TYW1B: variants seen among roughly 807,000 people sequenced by gnomAD.
The protein encoded by TYW1B is S-adenosyl-L-methionine-dependent tRNA 4-demethylwyosine synthase TYW1B.
TYW1B carries 73 observed loss-of-function variants against 86.9 expected under a neutral mutation model. That is an observed-to-expected ratio of 0.84 (90% CI 0.70 to 1.02). TYW1B has a LOEUF of 1.02. Among genes scored for constraint, TYW1B ranks in the 50% least tolerant of loss-of-function variants. The pLI, the probability that TYW1B is intolerant of heterozygous loss-of-function variation, is 0.00. For synonymous variants in TYW1B, 248 were observed against 292.8 expected (o/e 0.85, Z 1.56); for missense variants, 637 against 827.4 (o/e 0.77, Z 2.82).
chr7:72,820,632 G>A (rs1788810844), intron 2 of TYW1B, among the ~76,000 whole-genome samples: 1 of 151,990 alleles, frequency 6.6e-6, no homozygotes, highest in Non-Finnish European at 1.5e-5. Flanking sequence ...TGCAGGAGAG[G>A]TTCCAGGCTC....
chr7:72,703,244 T>G (rs1312985100), intron 10 of TYW1B, among the ~76,000 whole-genome samples: 15 of 151,282 alleles, frequency 9.9e-5, no homozygotes, highest in African/African-American at 3.4e-4. Flanking sequence ...CAGGATAGTC[T>G]CGATCTCCTG....
intron 11 of TYW1B, among the ~76,000 whole-genome samples, chr7:72,636,687 TTTC>T (rs529630187): frequency 0.012 from 1,840 of 152,294 alleles, 37 homozygotes; most frequent in African/African-American, 0.042. Context: ...TCCTACCAGC[TTTC>T]TTTTTTATTA....
intron 6 of TYW1B, among the ~76,000 whole-genome samples, chr7:72,790,310 T>A (rs1388453739): frequency 1.3e-5 from 2 of 152,018 alleles, no homozygotes; most frequent in Non-Finnish European, 2.9e-5. Flanking sequence ...GCTAATTAGG[T>A]GTCTCATGGC....
intron 6 of TYW1B, among the ~76,000 whole-genome samples, chr7:72,792,186 G>T (rs1203060519): frequency 6.6e-6 from 1 of 151,972 alleles, no homozygotes; most frequent in Non-Finnish European, 1.5e-5. Flanking sequence ...AACTAGTTGC[G>T]CATGGTGGCA....
At chr7:72,583,678 CA>C (rs1383205148) in intron 13 of TYW1B, among the ~76,000 whole-genome samples, 9 of 152,164 alleles carry the variant, frequency 5.9e-5, no homozygotes, top group African/African-American at 1.4e-4. Flanking sequence ...CAACCTCAGC[CA>C]AAAAATGTAG....
At chr7:72,668,585 T>C (rs1205571952) in intron 11 of TYW1B, among the ~76,000 whole-genome samples, 1 of 152,174 alleles carries the variant, frequency 6.6e-6, no homozygotes, top group Non-Finnish European at 1.5e-5. Flanking sequence ...TCTTGGACTC[T>C]GGTGGAACTG....
At chr7:72,588,517 CT>C (rs1811327506) in intron 13 of TYW1B, among the ~76,000 whole-genome samples, 1 of 152,182 alleles carries the variant, frequency 6.6e-6, no homozygotes, top group Non-Finnish European at 1.5e-5. Flanking sequence ...GATAGCTCTT[CT>C]TCCCCTCCCT....
chr7:72,697,582 A>G (rs747939418), intron 10 of TYW1B, among the ~76,000 whole-genome samples: 38 of 152,196 alleles, frequency 2.5e-4, no homozygotes, highest in Non-Finnish European at 4.6e-4. Context: ...AGAGTCACTT[A>G]TCTGTCTCTA....
chr7:72,796,467 C>T (rs1554474482), intron 6 of TYW1B, among the ~76,000 whole-genome samples: 1 of 143,166 alleles, frequency 7.0e-6, no homozygotes, highest in East Asian at 2.0e-4. Context: ...AACTCCTGAC[C>T]TCAGGTGATC....
chr7:72,659,077 A>G (rs1322452204), intron 11 of TYW1B, among the ~76,000 whole-genome samples: 1 of 152,218 alleles, frequency 6.6e-6, no homozygotes, highest in Non-Finnish European at 1.5e-5. Context: ...ATCATTAGGA[A>G]GAAAGCCCAA....
At chr7:72,667,319 C>T (rs1297076224) in intron 11 of TYW1B, among the ~76,000 whole-genome samples, 1 of 152,048 alleles carries the variant, frequency 6.6e-6, no homozygotes, top group South Asian at 2.1e-4. Context: ...GTTTAAAATG[C>T]TGTATTAGTT....
At chr7:72,763,277 CTTTTCTTTTTTTT>C (rs1787717126) in intron 7 of TYW1B, among the ~76,000 whole-genome samples, 1 of 111,638 alleles carries the variant, frequency 9.0e-6, no homozygotes, top group South Asian at 2.9e-4. Flanking sequence ...TTTTTCTTTT[CTTTTCTTTTTTTT>C]TTTTTTTTTG....
chr7:72,819,973 C>A (rs1382309935), intron 2 of TYW1B, among the ~76,000 whole-genome samples: 1 of 151,952 alleles, frequency 6.6e-6, no homozygotes, highest in Non-Finnish European at 1.5e-5. Flanking sequence ...ATTGAGCATT[C>A]TTAAAGAAAA....
intron 7 of TYW1B, among the ~76,000 whole-genome samples, chr7:72,759,228 G>A (rs889053688): frequency 3.3e-5 from 5 of 152,074 alleles, no homozygotes; most frequent in Non-Finnish European, 5.9e-5. Context: ...CCAACTACTC[G>A]GGAGGCTCAG....
intron 7 of TYW1B, among the ~76,000 whole-genome samples, chr7:72,770,096 T>C (rs1401442638): frequency 2.2e-5 from 3 of 137,596 alleles, no homozygotes; most frequent in African/African-American, 5.4e-5. Flanking sequence ...ACAAAAAAAA[T>C]GTTCCCAATC....
At chr7:72,610,419 C>T (rs1811905019) in intron 13 of TYW1B, among the ~76,000 whole-genome samples, 1 of 151,998 alleles carries the variant, frequency 6.6e-6, no homozygotes, top group South Asian at 2.1e-4. Flanking sequence ...CCATGGACGA[C>T]ACCATCACAA....
intron 13 of TYW1B, among the ~76,000 whole-genome samples, chr7:72,615,725 A>G (rs1812057493): frequency 6.6e-6 from 1 of 152,224 alleles, no homozygotes; most frequent in African/African-American, 2.4e-5. Context: ...CGGCAGGGAA[A>G]TAGAAATTAT....
chr7:72,653,134 G>A (rs1165858015), intron 11 of TYW1B, among the ~76,000 whole-genome samples: 5 of 152,104 alleles, frequency 3.3e-5, no homozygotes, highest in South Asian at 2.1e-4. Flanking sequence ...AAGCTAAAGC[G>A]AGCAGAGGAA....
chr7:72,602,872 A>ACACACACAC (rs1811699904), intron 13 of TYW1B, among the ~76,000 whole-genome samples: 2 of 151,518 alleles, frequency 1.3e-5, no homozygotes, highest in African/African-American at 4.9e-5. Flanking sequence ...ACACACACAC[A>ACACACACAC]CACACACACA....
Sources: gnomAD v4.1 joint callset for allele counts (sites outside exome capture counted in the v4.1 genomes callset) on GRCh38, gnomAD v4.1.1 for gene constraint, MANE v1.5 for transcripts, NCBI Gene and HGNC (gene_info 2026-07-23, HGNC 2026-07-21) for gene names.